Variants in ENAH observed in about 807,000 individuals in gnomAD.
ENAH encodes the protein ENAH actin regulator.
A neutral mutation model predicts 78.7 loss-of-function variants in ENAH; 23 were observed. That is an observed-to-expected ratio of 0.29 (90% CI 0.21 to 0.41). The LOEUF (loss-of-function observed/expected upper bound fraction) is 0.41. Among genes scored for constraint, ENAH ranks in the 10% least tolerant of loss-of-function variants. The pLI is 1.00. For missense variants in ENAH, 544 were observed against 691.0 expected (o/e 0.79, Z 2.39); for synonymous variants, 226 against 241.0 (o/e 0.94, Z 0.58).
At chr1:225,517,073 G>C in intron 6 of ENAH, 123 bp downstream of exon 6, 1 of 669,922 alleles carries the variant, frequency 1.5e-6, no homozygotes, top group Non-Finnish European at 2.3e-6. Flanking sequence ...AAAAAGCATG[G>C]CATTATGGCA....
chr1:225,516,062 T>C (rs1322508069), intron 6 of ENAH, among the ~76,000 whole-genome samples: 1 of 152,224 alleles, frequency 6.6e-6, no homozygotes, highest in Non-Finnish European at 1.5e-5. Context: ...CCTCCTTAAA[T>C]CATATTTTAA....
chr1:225,555,585 A>C (rs1408585427), intron 2 of ENAH, among the ~76,000 whole-genome samples: 2 of 152,062 alleles, frequency 1.3e-5, no homozygotes, highest in Non-Finnish European at 2.9e-5. Context: ...CTGTCTCAAA[A>C]AAAAAAAAAG....
intron 3 of ENAH, among the ~76,000 whole-genome samples, chr1:225,540,532 G>C (rs1320764770): frequency 6.6e-6 from 1 of 152,124 alleles, no homozygotes; most frequent in Admixed American, 6.5e-5. Flanking sequence ...AGGCAGTGAA[G>C]ATAGGGCAAT....
chr1:225,509,520 G>A (rs974048801), intron 10 of ENAH, among the ~76,000 whole-genome samples: 1 of 152,104 alleles, frequency 6.6e-6, no homozygotes, highest in Non-Finnish European at 1.5e-5. Flanking sequence ...GTTTCAGGAG[G>A]GGCAAGGCTG....
Position 225,497,761 on chromosome 1 carries a change from C to T in ENAH, c.*14G>A. 1 of 1,610,466 alleles carries T rather than the reference C, an allele frequency of 6.2e-7. No individual in the cohort carries two copies. The highest frequency in any genetic ancestry group is 1.1e-5 in the South Asian group (1 of 90,638). ...CCTCCAGATTAAAGTCCTATCTCTC[C>T]TTAGTCTGTTCCTCTATGCAGTATT... On this transcript the variant is annotated 3_prime_UTR_variant, in exon 14 of 14. Transcript: ENST00000366843.
intron 1 of ENAH, among the ~76,000 whole-genome samples, chr1:225,648,005 G>A (rs899666274): frequency 1.3e-5 from 2 of 152,066 alleles, no homozygotes; most frequent in Admixed American, 1.3e-4. Flanking sequence ...AATAGTGGGG[G>A]ACAAGGGGGT....
chr1:225,532,316 G>A (rs1190499693), intron 3 of ENAH, among the ~76,000 whole-genome samples: 1 of 152,030 alleles, frequency 6.6e-6, no homozygotes, highest in African/African-American at 2.4e-5. Flanking sequence ...TACTAAATGT[G>A]AGCATTTAGC....
chr1:225,538,594 T>C (rs1036452007), intron 3 of ENAH, among the ~76,000 whole-genome samples: 2 of 119,708 alleles, frequency 1.7e-5, no homozygotes, highest in African/African-American at 6.6e-5. Context: ...AAGGCAAAAC[T>C]GTATATATGA....
intron 10 of ENAH, among the ~76,000 whole-genome samples, chr1:225,511,215 G>A (rs1465665477): frequency 6.6e-6 from 1 of 152,128 alleles, no homozygotes; most frequent in South Asian, 2.1e-4. Flanking sequence ...CCAGCCCTTA[G>A]TCTTTAATCA....
At chr1:225,647,414 T>C (rs1186516037) in intron 1 of ENAH, among the ~76,000 whole-genome samples, 1 of 152,200 alleles carries the variant, frequency 6.6e-6, no homozygotes, top group East Asian at 1.9e-4. Context: ...GTAAACATGG[T>C]ATCCTCCAAA....
intron 10 of ENAH, among the ~76,000 whole-genome samples, chr1:225,510,004 A>G (rs1356424834): frequency 6.6e-6 from 1 of 152,226 alleles, no homozygotes; most frequent in Non-Finnish European, 1.5e-5. Context: ...TCTGTGACAC[A>G]CTACTTAGTA....
intron 1 of ENAH, among the ~76,000 whole-genome samples, chr1:225,591,648 C>A (rs1452252433): frequency 6.6e-6 from 1 of 150,730 alleles, no homozygotes; most frequent in African/African-American, 2.4e-5. Flanking sequence ...GCCTGTAGTC[C>A]CAGCTACTTG....
intron 1 of ENAH, among the ~76,000 whole-genome samples, chr1:225,633,295 C>G (rs1417593998): frequency 6.6e-6 from 1 of 151,852 alleles, no homozygotes; most frequent in Non-Finnish European, 1.5e-5. Context: ...CGTGATCCAC[C>G]TGCCTCTGCC....
At chr1:225,533,098 T>C (rs747236150) in intron 3 of ENAH, among the ~76,000 whole-genome samples, 1 of 152,142 alleles carries the variant, frequency 6.6e-6, no homozygotes, top group Non-Finnish European at 1.5e-5. Flanking sequence ...AATTGTCAGG[T>C]TGCAGTAACT....
chr1:225,593,400 T>TGGGGGGG (rs1456095465), intron 1 of ENAH, among the ~76,000 whole-genome samples: 2 of 20,460 alleles, frequency 9.8e-5, no homozygotes, highest in Non-Finnish European at 9.2e-5. Context: ...TGTGTGTGTG[T>TGGGGGGG]GGGGGGGGGG....
At chr1:225,624,237 A>AGAC (rs1408165112) in intron 1 of ENAH, among the ~76,000 whole-genome samples, 1 of 152,178 alleles carries the variant, frequency 6.6e-6, no homozygotes, top group East Asian at 1.9e-4. Flanking sequence ...CAGGAGTTCA[A>AGAC]GACCAGCCTG....
chr1:225,615,602 G>A (rs1046693609), intron 1 of ENAH, among the ~76,000 whole-genome samples: 8 of 150,858 alleles, frequency 5.3e-5, no homozygotes, highest in African/African-American at 2.0e-4. Flanking sequence ...AGTGAGGAGC[G>A]TCTCTGCCCG....
At chr1:225,530,370 T>A (rs1390365632) in intron 4 of ENAH, among the ~76,000 whole-genome samples, 184 bp downstream of exon 4, 2 of 152,144 alleles carry the variant, frequency 1.3e-5, no homozygotes, top group Admixed American at 6.5e-5. Context: ...TTTTATAACA[T>A]CTCATGTCCA....
At chr1:225,548,209 T>G (rs896712430) in intron 3 of ENAH, among the ~76,000 whole-genome samples, 1 of 85,158 alleles carries the variant, frequency 1.2e-5, no homozygotes, top group Non-Finnish European at 2.8e-5. Flanking sequence ...ATTTTCATTT[T>G]CTTTTTTTTT....
Sources: allele counts gnomAD v4.1 joint callset (sites outside exome capture counted in the v4.1 genomes callset), GRCh38; gene constraint gnomAD v4.1.1; transcripts MANE v1.5; gene names NCBI Gene and HGNC (gene_info 2026-07-23, HGNC 2026-07-21).